Variants in LRRN2 observed in about 807,000 individuals in gnomAD.
LRRN2 encodes the protein leucine rich repeat neuronal 2.
LRRN2 carries 10 observed loss-of-function variants against 35.7 expected under a neutral mutation model. That is an observed-to-expected ratio of 0.28 (90% CI 0.17 to 0.47). The LOEUF (loss-of-function observed/expected upper bound fraction) is 0.47. LRRN2 is among the 20% of genes least tolerant of loss of function. The pLI, the probability that LRRN2 is intolerant of heterozygous loss-of-function variation, is 0.99. For missense variants in LRRN2, 731 were observed against 940.3 expected (o/e 0.78, Z 2.91); for synonymous variants, 391 against 409.6 (o/e 0.95, Z 0.55).
intron 1 of LRRN2, among the ~76,000 whole-genome samples, chr1:204,677,399 C>A (rs1668847543): frequency 6.6e-6 from 1 of 152,200 alleles, no homozygotes; most frequent in Non-Finnish European, 1.5e-5. Context: ...CTCTGGTGAT[C>A]TCTCTCTATA....
Position 204,619,465 on chromosome 1 carries a change from G to C in LRRN2, c.528C>G (p.Leu176=). The change falls in exon 2 of 2, where the codon CTC becomes CTG. Residue 176 remains leucine, a synonymous_variant. Coordinates refer to ENST00000367177, the MANE Select transcript of LRRN2 (RefSeq NM_201630.2). The part of the protein sequence containing the change: ...NLLRLHLNSN[L]LRAIDSRWFE... Reference sequence around the variant, plus strand: ...ACCAGCGGCTGTCAATGGCCCTCAGGAGGTTGGAGTTGAGGTGCAGCCGCA... The same window carrying C: ...ACCAGCGGCTGTCAATGGCCCTCAGCAGGTTGGAGTTGAGGTGCAGCCGCA... 6.2e-7 allele frequency: 1 copy of C among 1,614,260 alleles called. No homozygotes were observed. The highest frequency in any genetic ancestry group is 1.6e-4 in the Middle Eastern group (1 of 6,062).
At chr1:204,667,856 C>A (rs1340246187) in intron 1 of LRRN2, among the ~76,000 whole-genome samples, 1 of 152,176 alleles carries the variant, frequency 6.6e-6, no homozygotes, top group Admixed American at 6.5e-5. Flanking sequence ...ACTTGGGCAT[C>A]TGGGAGGCAG....
intron 1 of LRRN2, among the ~76,000 whole-genome samples, chr1:204,660,582 C>G (rs1415514577): frequency 3.1e-5 from 2 of 64,452 alleles, no homozygotes; most frequent in Non-Finnish European, 7.6e-5. Flanking sequence ...CACACACACT[C>G]TCTCTCTCTC....
rs756821540 is a variant in LRRN2 at position 204,619,140 on chromosome 1, G to A, written c.853C>T (p.Leu285=). The A allele has an allele frequency of 1.0e-4, 163 of 1,613,710 alleles. No individual in the cohort carries two copies. The highest frequency in any genetic ancestry group is 1.3e-4 in the Non-Finnish European group (155 of 1,179,928). ...TTCAGTCCCAGCTCCTTAAGGTGCA[G>A]CATGTTGGCAAAGTCCCCCGGCCCT... ...RVGPGDFANM[L]HLKELGLNNM... The change falls in exon 2 of 2, where the codon CTG becomes TTG. Residue 285 remains leucine (L), a synonymous_variant. Transcript: ENST00000367177.
At chr1:204,640,274 A>G (rs777123570) in intron 1 of LRRN2, among the ~76,000 whole-genome samples, 2 of 152,080 alleles carry the variant, frequency 1.3e-5, no homozygotes, top group African/African-American at 2.4e-5. Flanking sequence ...GGTCTCTTTT[A>G]TAAGGACATT....
chr1:204,642,355 T>G (rs1157142796), intron 1 of LRRN2, among the ~76,000 whole-genome samples: 2 of 152,212 alleles, frequency 1.3e-5, no homozygotes, highest in Admixed American at 6.5e-5. Flanking sequence ...ATTTTCTGTC[T>G]TCTCCAGCTT....
intron 1 of LRRN2, among the ~76,000 whole-genome samples, chr1:204,623,044 G>A (rs1667033426): frequency 6.6e-6 from 1 of 152,110 alleles, no homozygotes; most frequent in South Asian, 2.1e-4. Context: ...TTGGCTCCTA[G>A]GACTCCTAGG....
chr1:204,656,223 C>A (rs1668352956), intron 1 of LRRN2, among the ~76,000 whole-genome samples: 1 of 152,146 alleles, frequency 6.6e-6, no homozygotes, highest in Non-Finnish European at 1.5e-5. Flanking sequence ...TCTATTCTTT[C>A]TTTGTCTCTT....
At position 204,669,730 on chromosome 1, in the gene LRRN2, G is replaced by T. The variant is rs575488556; in HGVS notation, c.-227+15590C>A. 1.7e-3 allele frequency among the ~76,000 whole-genome samples: 159 copies of T among 92,026 alleles called. 2 individuals carry two copies. Among genetic ancestry groups the T allele is most frequent in the Admixed American group, 1.8e-3 (14 of 7,662 alleles). 60.4% of individuals were successfully genotyped at this position (92,026 alleles called of 152,430 possible). ...CGTGTGAAGGCCATGAGGCCAAAAG[G>T]AGCTCAGCAGTCAGAGCTGAAAAAG... On this transcript the variant is annotated intron_variant, in intron 1 of 1. Transcript: ENST00000367177.
Position 204,618,334 on chromosome 1 carries a change from G to A in LRRN2, c.1659C>T (p.Ser553=), listed in dbSNP as rs918420435. The A allele has an allele frequency of 1.9e-6, 3 of 1,593,886 alleles. No individual in the cohort carries two copies. The highest frequency in any genetic ancestry group is 2.7e-5 in the African/African-American group (2 of 74,724). ...AGGCACTGGACCAGGTGAGGTTGGT[G>A]GACACTGTGTTGGGTGGGGTGACCC... The part of the protein sequence containing the change: ...LSWVTPPNTV[S]TNLTWSSASS... Residue 553 remains serine, a synonymous_variant, in exon 2 of 2, where the codon TCC becomes TCT. Coordinates refer to ENST00000367177, the MANE Select transcript of LRRN2 (RefSeq NM_201630.2).
At position 204,624,280 on chromosome 1, in the gene LRRN2, A is replaced by G. The variant is rs1422160009; in HGVS notation, c.-226-4062T>C. Reference sequence around the variant, plus strand: ...GTGTGTGTGTGTGGCTGGGCCTGGAACCACAGGGACAAACAGAGCCAGCTG... The same window carrying G: ...GTGTGTGTGTGTGGCTGGGCCTGGAGCCACAGGGACAAACAGAGCCAGCTG... On this transcript the variant is annotated intron_variant, in intron 1 of 1. Coordinates refer to ENST00000367177, the MANE Select transcript of LRRN2 (RefSeq NM_201630.2). Among the ~76,000 whole-genome samples, 3 of 152,234 alleles carry G rather than the reference A, an allele frequency of 2.0e-5. No homozygotes were observed. In the East Asian group the frequency reaches 5.8e-4, roughly 29 times the overall value.
chr1:204,641,361 A>G (rs942436009), intron 1 of LRRN2, among the ~76,000 whole-genome samples: 1 of 152,232 alleles, frequency 6.6e-6, no homozygotes, highest in Non-Finnish European at 1.5e-5. Flanking sequence ...TCCCAGTGCA[A>G]TGCTCTATTC....
chr1:204,636,057 C>T (rs1006056378), intron 1 of LRRN2, among the ~76,000 whole-genome samples: 6 of 152,186 alleles, frequency 3.9e-5, no homozygotes, highest in African/African-American at 4.8e-5. Context: ...ATGTCACCAG[C>T]CCCATCTTTG....
chr1:204,639,104 C>T (rs1667919560), intron 1 of LRRN2, among the ~76,000 whole-genome samples: 1 of 152,222 alleles, frequency 6.6e-6, no homozygotes, highest in South Asian at 2.1e-4. Flanking sequence ...TAAGGGCTCT[C>T]TCAACCTCCC....
At chr1:204,650,762 G>C (rs549436683) in intron 1 of LRRN2, among the ~76,000 whole-genome samples, 2 of 152,090 alleles carry the variant, frequency 1.3e-5, no homozygotes, top group Non-Finnish European at 1.5e-5. Context: ...GGAGGGCTGG[G>C]GACACGGCAC....
intron 1 of LRRN2, among the ~76,000 whole-genome samples, chr1:204,658,964 G>T (rs925800010): frequency 3.3e-4 from 50 of 152,142 alleles, no homozygotes; most frequent in African/African-American, 1.2e-3. Flanking sequence ...GCAGTCGCTG[G>T]TATTCTCCGT....
At chr1:204,654,153 G>C (rs1416015055) in intron 1 of LRRN2, among the ~76,000 whole-genome samples, 1 of 152,080 alleles carries the variant, frequency 6.6e-6, no homozygotes, top group East Asian at 1.9e-4. Context: ...TAACCACTGA[G>C]GAAGATTGTC....
At chr1:204,630,550 G>GGGGC (rs1365042182) in intron 1 of LRRN2, among the ~76,000 whole-genome samples, 1 of 152,000 alleles carries the variant, frequency 6.6e-6, no homozygotes, top group African/African-American at 2.4e-5. Flanking sequence ...CCTGGTCTCG[G>GGGGC]GGGCGCTGCC....
At chr1:204,659,398 C>T (rs1463112357) in intron 1 of LRRN2, among the ~76,000 whole-genome samples, 1 of 152,168 alleles carries the variant, frequency 6.6e-6, no homozygotes, top group African/African-American at 2.4e-5. Context: ...GGGTCTTCAT[C>T]CAGCCTGAGC....
Sources: gnomAD v4.1 joint callset for allele counts (sites outside exome capture counted in the v4.1 genomes callset) on GRCh38, gnomAD v4.1.1 for gene constraint, MANE v1.5 for transcripts, NCBI Gene and HGNC (gene_info 2026-07-23, HGNC 2026-07-21) for gene names.